GALNTL6: variants seen among roughly 807,000 people sequenced by gnomAD.
GALNTL6 encodes polypeptide N-acetylgalactosaminyltransferase like 6, also known as polypeptide N-acetylgalactosaminyltransferase-like 6.
In GALNTL6, 46 loss-of-function variants were observed where a neutral mutation model predicts 73.7. The ratio of observed to expected loss-of-function variants is 0.62; its 90% CI spans 0.49 to 0.80. GALNTL6 has a LOEUF of 0.80. GALNTL6 is among the 30% of genes least tolerant of loss of function. The probability of loss-of-function intolerance (pLI) is 0.00; values close to 1 mark genes in which losing one functional copy is unlikely to be tolerated. For synonymous variants in GALNTL6, 259 were observed against 263.7 expected (o/e 0.98, Z 0.17); for missense variants, 604 against 755.0 (o/e 0.80, Z 2.34).
At chr4:172,629,644 T>G (rs1214478688) in intron 5 of GALNTL6, among the ~76,000 whole-genome samples, 1 of 152,210 alleles carries the variant, frequency 6.6e-6, no homozygotes, top group Non-Finnish European at 1.5e-5. Flanking sequence ...CAGTTTCTGC[T>G]GCTTATACAC....
chr4:171,883,367 A>G (rs538977295), intron 2 of GALNTL6, among the ~76,000 whole-genome samples: 3 of 152,248 alleles, frequency 2.0e-5, no homozygotes, highest in South Asian at 4.2e-4. Context: ...AAAAGTAAAA[A>G]TAAAAGTAAA....
intron 5 of GALNTL6, among the ~76,000 whole-genome samples, chr4:172,349,347 CTTATA>C (rs935875198): frequency 6.6e-6 from 1 of 151,206 alleles, no homozygotes; most frequent in African/African-American, 2.4e-5. Context: ...TATAATTTAC[CTTATA>C]TTTTATTGCA....
chr4:172,169,210 G>A (rs1734733425), intron 2 of GALNTL6, among the ~76,000 whole-genome samples: 1 of 152,202 alleles, frequency 6.6e-6, no homozygotes, highest in Admixed American at 6.5e-5. Context: ...TTTGCCCTAA[G>A]AGAGAACAGT....
intron 2 of GALNTL6, among the ~76,000 whole-genome samples, chr4:171,975,120 T>TA (rs1328089738): frequency 6.6e-6 from 1 of 152,234 alleles, no homozygotes; most frequent in Non-Finnish European, 1.5e-5. Context: ...CCACGGGTAG[T>TA]AAGCACTTTG....
intron 3 of GALNTL6, among the ~76,000 whole-genome samples, chr4:172,264,555 A>AT (rs1738372622): frequency 1.9e-5 from 2 of 103,778 alleles, no homozygotes; most frequent in Admixed American, 2.1e-4. Context: ...ATATATGCCA[A>AT]ATATATATAT....
Position 172,813,668 on chromosome 4 carries a change from A to C in GALNTL6, c.868A>C (p.Lys290Gln). 6.2e-7 allele frequency: 1 copy of C among 1,613,136 alleles called. No homozygotes were observed. Among genetic ancestry groups the C allele is most frequent in the Non-Finnish European group, 8.5e-7 (1 of 1,179,332 alleles). The change falls in exon 7 of 13, where the codon AAA becomes CAA. Residue 290 changes from lysine (K) to glutamine (Q), a missense_variant. By Grantham distance (53) the Lys-to-Gln change is moderately conservative. Transcript: ENST00000506823. Reference sequence around the variant, plus strand: ...AGCCTTCGACTGGGAAATGTACTACAAAAGAATCCCCATCCCTCCAGAGCT... The same window carrying C: ...AGCCTTCGACTGGGAAATGTACTACCAAAGAATCCCCATCCCTCCAGAGCT... The part of the protein sequence containing the change: ...RGAFDWEMYY[K>Q]RIPIPPELQR...
chr4:172,749,979 C>A (rs1457281713), intron 5 of GALNTL6, among the ~76,000 whole-genome samples: 1 of 152,062 alleles, frequency 6.6e-6, no homozygotes, highest in Non-Finnish European at 1.5e-5. Flanking sequence ...TTCTAGTTTT[C>A]TTATTGATCA....
At chr4:172,051,395 A>G (rs1169166345) in intron 2 of GALNTL6, among the ~76,000 whole-genome samples, 1 of 152,126 alleles carries the variant, frequency 6.6e-6, no homozygotes, top group Non-Finnish European at 1.5e-5. Flanking sequence ...GAATCCAGGA[A>G]GAATCAGGTC....
intron 2 of GALNTL6, among the ~76,000 whole-genome samples, chr4:172,057,983 G>A (rs1731080120): frequency 6.6e-6 from 1 of 151,768 alleles, no homozygotes; most frequent in Admixed American, 6.6e-5. Context: ...GACTTCATTT[G>A]TGTGCTTGTA....
At chr4:172,915,604 A>C (rs1463816713) in intron 8 of GALNTL6, among the ~76,000 whole-genome samples, 1 of 152,242 alleles carries the variant, frequency 6.6e-6, no homozygotes, top group Non-Finnish European at 1.5e-5. Context: ...CTACCATCAG[A>C]GAATACTATA....
At chr4:172,397,832 C>T (rs960588653) in intron 5 of GALNTL6, among the ~76,000 whole-genome samples, 4 of 152,202 alleles carry the variant, frequency 2.6e-5, no homozygotes, top group Admixed American at 2.0e-4. Flanking sequence ...CCACCTTGGC[C>T]TCCAAAAGTG....
At chr4:172,826,300 C>T (rs1742263283) in intron 7 of GALNTL6, among the ~76,000 whole-genome samples, 1 of 152,234 alleles carries the variant, frequency 6.6e-6, no homozygotes, top group East Asian at 1.9e-4. Context: ...TGCTCCTTAG[C>T]GTCCGTTCAG....
At chr4:172,426,660 T>C (rs1233389157) in intron 5 of GALNTL6, among the ~76,000 whole-genome samples, 1 of 152,140 alleles carries the variant, frequency 6.6e-6, no homozygotes, top group Admixed American at 6.6e-5. Flanking sequence ...CTGTCTGCCA[T>C]TTACAAAGTA....
At chr4:172,423,828 A>G (rs1237703224) in intron 5 of GALNTL6, among the ~76,000 whole-genome samples, 1 of 152,112 alleles carries the variant, frequency 6.6e-6, no homozygotes, top group Non-Finnish European at 1.5e-5. Flanking sequence ...AATTAGGTAC[A>G]GTAAGGGATA....
intron 5 of GALNTL6, among the ~76,000 whole-genome samples, chr4:172,687,081 A>G (rs1732961631): frequency 6.6e-6 from 1 of 152,170 alleles, no homozygotes; most frequent in South Asian, 2.1e-4. Flanking sequence ...CCCTATACAT[A>G]AAGCCAGTTT....
intron 2 of GALNTL6, among the ~76,000 whole-genome samples, chr4:171,984,850 C>T (rs1740017686): frequency 6.6e-6 from 1 of 152,096 alleles, no homozygotes; most frequent in African/African-American, 2.4e-5. Context: ...GAGTCAATCA[C>T]TCTAAGATAA....
chr4:171,917,730 A>G (rs1189255989), intron 2 of GALNTL6, among the ~76,000 whole-genome samples: 6 of 152,112 alleles, frequency 3.9e-5, no homozygotes, highest in Non-Finnish European at 1.5e-5. Flanking sequence ...AGCATGTTTT[A>G]TTTATTTATT....
intron 10 of GALNTL6, among the ~76,000 whole-genome samples, chr4:172,952,547 G>A (rs1338179999): frequency 2.0e-5 from 3 of 149,880 alleles, no homozygotes; most frequent in Middle Eastern, 3.5e-3. Flanking sequence ...ATGGAGTCTC[G>A]CTCTGTCTTC....
chr4:172,647,676 A>G (rs1354225755), intron 5 of GALNTL6, among the ~76,000 whole-genome samples: 1 of 152,106 alleles, frequency 6.6e-6, no homozygotes, highest in Non-Finnish European at 1.5e-5. Flanking sequence ...ATAATGCTGA[A>G]CACCCCTCCT....
Sources: allele counts gnomAD v4.1 joint callset (sites outside exome capture counted in the v4.1 genomes callset), GRCh38; gene constraint gnomAD v4.1.1; transcripts MANE v1.5; gene names NCBI Gene and HGNC (gene_info 2026-07-23, HGNC 2026-07-21).